CCDC7: variants seen among roughly 807,000 people sequenced by gnomAD.
CCDC7 encodes coiled-coil domain containing 7.
Under a neutral mutation model 196.9 loss-of-function variants are expected in CCDC7, and 183 were observed. The ratio of observed to expected loss-of-function variants is 0.93; its 90% CI spans 0.82 to 1.05. The LOEUF (loss-of-function observed/expected upper bound fraction) is 1.05, where lower values mean the gene tolerates loss of function less well. Ranked by LOEUF, CCDC7 falls within the 50% of genes least tolerant of loss-of-function variation. The pLI, the probability that CCDC7 is intolerant of heterozygous loss-of-function variation, is 0.00. For missense variants in CCDC7, 1,540 were observed against 1,482.2 expected, an observed-to-expected ratio of 1.04 and a Z score of -0.64; for synonymous variants, 525 against 484.6, an observed-to-expected ratio of 1.08 and a Z score of -1.10.
intron 18 of CCDC7, among the ~76,000 whole-genome samples, chr10:32,604,488 G>T (rs1413300308): frequency 6.6e-6 from 1 of 152,030 alleles, no homozygotes; most frequent in Non-Finnish European, 1.5e-5. Context: ...GATAGTGATT[G>T]CATTGAAACT....
chr10:32,833,339 T>C (rs1376225464), intron 32 of CCDC7, among the ~76,000 whole-genome samples: 1 of 102,394 alleles, frequency 9.8e-6, no homozygotes, highest in African/African-American at 3.1e-5. Context: ...TTGTATGATA[T>C]ATTACCCTTT....
chr10:32,591,753 G>A (rs981334706), intron 18 of CCDC7, among the ~76,000 whole-genome samples: 2 of 152,086 alleles, frequency 1.3e-5, no homozygotes, highest in African/African-American at 4.8e-5. Flanking sequence ...TAAGGACCAA[G>A]GGCTCTTCAG....
rs565130304 is a variant in CCDC7, at chr10:32,738,141, C to T, written c.2905+8684C>T. On this transcript the variant is annotated intron_variant, in intron 28 of 41. Transcript: ENST00000639629. ...TTCCTGCCTTCTCTGGCTTTAATTACATATTTAATATGATCCTATATCTTC... is the reference window on the plus strand; with the variant it reads ...TTCCTGCCTTCTCTGGCTTTAATTATATATTTAATATGATCCTATATCTTC... Among the ~76,000 whole-genome samples the T allele has an allele frequency of 5.9e-5, 9 of 152,246 alleles. No homozygotes were observed. In the East Asian group the frequency reaches 1.7e-3, roughly 29 times the overall value.
At chr10:32,663,435 G>T (rs2071949084) in intron 20 of CCDC7, among the ~76,000 whole-genome samples, 1 of 152,090 alleles carries the variant, frequency 6.6e-6, no homozygotes, top group Non-Finnish European at 1.5e-5. Flanking sequence ...TATCTTTCCT[G>T]TGTTTCAATT....
At position 32,542,633 on chromosome 10, in the gene CCDC7, C is replaced by CAAAA. The variant is rs11375465; in HGVS notation, c.994-650_994-647dup. On this transcript the variant is annotated intron_variant, in intron 11 of 41. Transcript: ENST00000639629. ...GGACAACAGAGTGAGACTCCCATCT[C>CAAAA]AAAAAAAAAAAAAAAAAAAAGCAGA... is the stretch of plus-strand genomic sequence containing the variant. 4.7e-3 allele frequency among the ~76,000 whole-genome samples: 413 copies of CAAAA among 87,746 alleles called. 11 individuals carry two copies. Among genetic ancestry groups the CAAAA allele is most frequent in the African/African-American group, 0.015 (310 of 21,110 alleles). 57.6% of individuals were successfully genotyped at this position (87,746 alleles called of 152,430 possible).
intron 18 of CCDC7, among the ~76,000 whole-genome samples, chr10:32,611,595 G>T (rs2062141693): frequency 1.3e-5 from 2 of 152,142 alleles, no homozygotes; most frequent in South Asian, 2.1e-4. Flanking sequence ...GTTAATTTTT[G>T]TATAAGGTGT....
chr10:32,686,871 C>G lies in CCDC7; in HGVS notation c.2233+791C>G, dbSNP rs190512859. On this transcript the variant is annotated intron_variant, in intron 22 of 41. Transcript: ENST00000639629. ...TGGATAGTGGACTTGCCTGGGCCTACCAGTAGGGAGTCATCAACGTCGTAG... is the reference window on the plus strand; with the variant it reads ...TGGATAGTGGACTTGCCTGGGCCTAGCAGTAGGGAGTCATCAACGTCGTAG... 7.9e-3 allele frequency among the ~76,000 whole-genome samples: 1,204 copies of G among 152,274 alleles called. 7 individuals are homozygous for G. Among genetic ancestry groups the G allele is most frequent in the Middle Eastern group, 0.02 (6 of 294 alleles).
intron 8 of CCDC7, among the ~76,000 whole-genome samples, chr10:32,485,640 A>T (rs1218238539): frequency 6.6e-6 from 1 of 152,208 alleles, no homozygotes; most frequent in Admixed American, 6.5e-5. Context: ...ATTTAGTGCT[A>T]TAAATTTCCC....
chr10:32,765,982 A>G (rs1295485565), intron 28 of CCDC7, among the ~76,000 whole-genome samples: 2 of 152,044 alleles, frequency 1.3e-5, no homozygotes, highest in African/African-American at 4.8e-5. Context: ...CCCACTCTCT[A>G]TCATAATTTA....
At chr10:32,639,365 G>T (rs1344114908) in intron 20 of CCDC7, among the ~76,000 whole-genome samples, 1 of 151,860 alleles carries the variant, frequency 6.6e-6, no homozygotes, top group Non-Finnish European at 1.5e-5. Flanking sequence ...TCTCTTGTGG[G>T]CATTTAGTGC....
intron 5 of CCDC7, among the ~76,000 whole-genome samples, chr10:32,464,746 T>G (rs1193172234): frequency 6.6e-6 from 1 of 152,098 alleles, no homozygotes; most frequent in Non-Finnish European, 1.5e-5. Context: ...CCTGGATTCA[T>G]GCAATTCCCT....
At chr10:32,820,260 AG>A (rs1565606999) in intron 31 of CCDC7, among the ~76,000 whole-genome samples, 1 of 152,188 alleles carries the variant, frequency 6.6e-6, no homozygotes, top group East Asian at 1.9e-4. Context: ...TACAAGGGAC[AG>A]GAAGGACCTC....
intron 32 of CCDC7, among the ~76,000 whole-genome samples, chr10:32,825,697 C>G (rs548223255): frequency 6.6e-6 from 1 of 152,126 alleles, no homozygotes; most frequent in East Asian, 1.9e-4. Flanking sequence ...TGATTAAACA[C>G]AAAAATGTTA....
chr10:32,821,218 C>G (rs976344317), intron 31 of CCDC7, among the ~76,000 whole-genome samples: 2 of 152,170 alleles, frequency 1.3e-5, no homozygotes, highest in Admixed American at 1.3e-4. Context: ...AAAATGCTCA[C>G]CATCACTGGC....
At chr10:32,636,463 G>C (rs1221701151) in intron 20 of CCDC7, among the ~76,000 whole-genome samples, 1 of 152,052 alleles carries the variant, frequency 6.6e-6, no homozygotes, top group African/African-American at 2.4e-5. Flanking sequence ...CCACCTATGA[G>C]TGAGAACATG....
At chr10:32,851,241 G>T (rs953422893) in intron 39 of CCDC7, among the ~76,000 whole-genome samples, 1 of 151,898 alleles carries the variant, frequency 6.6e-6, no homozygotes, top group Non-Finnish European at 1.5e-5. Flanking sequence ...TACTTTTGCC[G>T]CATCCCATTA....
chr10:32,558,873 C>T (rs1400914207), intron 13 of CCDC7, among the ~76,000 whole-genome samples: 1 of 152,222 alleles, frequency 6.6e-6, no homozygotes, highest in Non-Finnish European at 1.5e-5. Flanking sequence ...GGCATTGCCT[C>T]ACTCGGGAAG....
chr10:32,758,438 G>A (rs2076855083), intron 28 of CCDC7, among the ~76,000 whole-genome samples: 2 of 152,110 alleles, frequency 1.3e-5, no homozygotes, highest in Non-Finnish European at 1.5e-5. Flanking sequence ...TGGAAGGCTG[G>A]TTCAATATAT....
At chr10:32,822,848 G>A (rs1297402299) in intron 31 of CCDC7, among the ~76,000 whole-genome samples, 1 of 152,102 alleles carries the variant, frequency 6.6e-6, no homozygotes, top group Non-Finnish European at 1.5e-5. Context: ...AAAGCAACAG[G>A]ATAATAATGT....
Sources: allele counts gnomAD v4.1 joint callset (sites outside exome capture counted in the v4.1 genomes callset), GRCh38; gene constraint gnomAD v4.1.1; transcripts MANE v1.5; gene names NCBI Gene and HGNC (gene_info 2026-07-23, HGNC 2026-07-21).